SLC12A8: variants seen among roughly 807,000 people sequenced by gnomAD.
SLC12A8 encodes solute carrier family 12 member 8.
Under a neutral mutation model 75.6 loss-of-function variants are expected in SLC12A8, and 69 were observed. The observed-to-expected ratio is 0.91, with a 90% CI of 0.75 to 1.11. The LOEUF is 1.11. Ranked by LOEUF, SLC12A8 falls within the 50% of genes most tolerant of loss-of-function variation. The probability of loss-of-function intolerance (pLI) is 0.00; values close to 1 mark genes in which losing one functional copy is unlikely to be tolerated. For synonymous variants in SLC12A8, 365 were observed against 372.8 expected, an observed-to-expected ratio of 0.98 and a Z score of 0.24; for missense variants, 877 against 896.7, an observed-to-expected ratio of 0.98 and a Z score of 0.28.
intron 4 of SLC12A8, 36 bp downstream of exon 4, chr3:125,187,201 G>C (rs376404902): frequency 1.9e-6 from 3 of 1,600,300 alleles, no homozygotes; most frequent in Non-Finnish European, 2.6e-6. Flanking sequence ...GTGGCAGAGG[G>C]CCAGGCAGGG....
intron 6 of SLC12A8, among the ~76,000 whole-genome samples, chr3:125,123,173 G>C (rs71325815): frequency 3.5e-3 from 537 of 151,952 alleles, no homozygotes; most frequent in Admixed American, 0.011. Flanking sequence ...TCAGGAGTTC[G>C]AGACCAGCCT....
intron 2 of SLC12A8, among the ~76,000 whole-genome samples, chr3:125,209,879 A>T (rs1283516274): frequency 1.3e-5 from 2 of 152,252 alleles, no homozygotes; most frequent in Non-Finnish European, 2.9e-5. Flanking sequence ...GCATCACTTT[A>T]GTAGCAATGT....
At chr3:125,127,889 T>C (rs1219812132) in intron 6 of SLC12A8, among the ~76,000 whole-genome samples, 3 of 152,232 alleles carry the variant, frequency 2.0e-5, no homozygotes, top group East Asian at 1.9e-4. Context: ...ATAAAACTTT[T>C]TTTTTTGAGA....
At chr3:125,086,085 T>C (rs1560046241) in intron 13 of SLC12A8, among the ~76,000 whole-genome samples, 1 of 152,206 alleles carries the variant, frequency 6.6e-6, no homozygotes, top group East Asian at 1.9e-4. Context: ...TTTTGCCATG[T>C]TGACCAGGCT....
chr3:125,104,497 G>A (rs1200775537), intron 10 of SLC12A8, among the ~76,000 whole-genome samples: 2 of 91,968 alleles, frequency 2.2e-5, no homozygotes, highest in African/African-American at 4.5e-5. Context: ...AATAGATGAT[G>A]TTCAAATTAG....
intron 2 of SLC12A8, among the ~76,000 whole-genome samples, chr3:125,208,039 C>T (rs1245561242): frequency 3.3e-5 from 5 of 152,196 alleles, no homozygotes; most frequent in Non-Finnish European, 7.3e-5. Flanking sequence ...GTAACTTGCC[C>T]AAGGGCCCAG....
chr3:125,154,651 C>T (rs945828305), intron 5 of SLC12A8, among the ~76,000 whole-genome samples: 2 of 152,132 alleles, frequency 1.3e-5, no homozygotes, highest in South Asian at 4.1e-4. Flanking sequence ...CCTATATACA[C>T]CACGTTTTTT....
rs1411190798 is a variant in SLC12A8, at chr3:125,120,706, G to A, written c.737-20C>T. On this transcript the variant is annotated intron_variant, in intron 6 of 13. Transcript: ENST00000469902. ...TGACTCCTGAAAGACACCCAGATGG[G>A]GAATGGGGTGAGCAGCCTCCTCCAC... The A allele has an allele frequency of 6.3e-7, 1 of 1,597,698 alleles. No homozygotes were observed. The highest frequency in any genetic ancestry group is 2.2e-5 in the East Asian group (1 of 44,744).
chr3:125,110,085 A>G, intron 9 of SLC12A8, 104 bp downstream of exon 9: 1 of 1,220,248 alleles, frequency 8.2e-7, no homozygotes, highest in Non-Finnish European at 1.1e-6. Flanking sequence ...AAAGAAATTG[A>G]CCAGAGGCTC....
At chr3:125,209,273 T>G (rs1935290594) in intron 2 of SLC12A8, among the ~76,000 whole-genome samples, 1 of 152,240 alleles carries the variant, frequency 6.6e-6, no homozygotes, top group African/African-American at 2.4e-5. Context: ...AGCTTGGGAC[T>G]TGGCATCAAA....
At chr3:125,188,902 T>C (rs1235277610) in intron 3 of SLC12A8, among the ~76,000 whole-genome samples, 1 of 152,214 alleles carries the variant, frequency 6.6e-6, no homozygotes, top group Non-Finnish European at 1.5e-5. Context: ...CTTAGGAAGG[T>C]CTGGTCTTGC....
At chr3:125,136,900 C>T (rs1933507025) in intron 5 of SLC12A8, among the ~76,000 whole-genome samples, 1 of 152,182 alleles carries the variant, frequency 6.6e-6, no homozygotes, top group African/African-American at 2.4e-5. Context: ...GTTTCAGGAA[C>T]ACCCAGGATA....
chr3:125,092,958 C>T (rs1938622842), intron 10 of SLC12A8, among the ~76,000 whole-genome samples: 2 of 152,156 alleles, frequency 1.3e-5, no homozygotes, highest in Non-Finnish European at 2.9e-5. Context: ...ACACTGTAGC[C>T]ATTAGGCAAT....
chr3:125,126,696 C>T (rs1196120473), intron 6 of SLC12A8, among the ~76,000 whole-genome samples: 2 of 152,214 alleles, frequency 1.3e-5, no homozygotes, highest in African/African-American at 2.4e-5. Flanking sequence ...CTTACTCTTT[C>T]TCAAGGAACT....
At chr3:125,156,012 G>T (rs1247499222) in intron 5 of SLC12A8, among the ~76,000 whole-genome samples, 1 of 152,164 alleles carries the variant, frequency 6.6e-6, no homozygotes, top group Non-Finnish European at 1.5e-5. Context: ...TGAGCCAGAC[G>T]TGATTTTCAC....
chr3:125,133,057 C>T (rs891875926), intron 6 of SLC12A8, among the ~76,000 whole-genome samples: 43 of 152,136 alleles, frequency 2.8e-4, no homozygotes, highest in African/African-American at 9.9e-4. Context: ...CAGAGACAGG[C>T]TTGCAATTCC....
At chr3:125,112,182 T>A (rs574795868) in intron 8 of SLC12A8, among the ~76,000 whole-genome samples, 1 of 152,230 alleles carries the variant, frequency 6.6e-6, no homozygotes, top group Non-Finnish European at 1.5e-5. Flanking sequence ...AGATGCTTGA[T>A]GAACAAGACT....
rs992582442 is a variant in SLC12A8, at chr3:125,143,641, A to T, written c.623-7859T>A. Among the ~76,000 whole-genome samples the T allele has an allele frequency of 5.3e-5, 8 of 152,360 alleles. 1 individual carries two copies. The highest frequency in any genetic ancestry group is 1.4e-4 in the African/African-American group (6 of 41,596). ...CTTGACCTGCCCAGAGGGCCAGGGG[A>T]GTCCCGCCCAGCCTGCCTAGAAAGG... On this transcript the variant is annotated intron_variant, in intron 5 of 13. Coordinates refer to ENST00000469902, the MANE Select transcript of SLC12A8 (RefSeq NM_024628.6).
intron 4 of SLC12A8, among the ~76,000 whole-genome samples, chr3:125,181,316 A>T (rs1934652192): frequency 6.6e-6 from 1 of 152,216 alleles, no homozygotes; most frequent in South Asian, 2.1e-4. Flanking sequence ...TAAAAAGAAA[A>T]ATAGGCCAGG....
Sources: gnomAD v4.1 joint callset for allele counts (sites outside exome capture counted in the v4.1 genomes callset) on GRCh38, gnomAD v4.1.1 for gene constraint, MANE v1.5 for transcripts, NCBI Gene and HGNC (gene_info 2026-07-23, HGNC 2026-07-21) for gene names.